Variants in PBX1 observed in about 807,000 individuals in gnomAD.
PBX1 encodes PBX homeobox 1.
Under a neutral mutation model 53.4 loss-of-function variants are expected in PBX1, and 6 were observed. The ratio of observed to expected loss-of-function variants is 0.11; its 90% confidence interval spans 0.06 to 0.22. The LOEUF is 0.22. PBX1 is among the 10% of genes least tolerant of loss of function. The pLI, the probability that PBX1 is intolerant of heterozygous loss-of-function variation, is 1.00. For synonymous variants in PBX1, 204 were observed against 212.3 expected (o/e 0.96, Z 0.34); for missense variants, 251 against 551.4 (o/e 0.46, Z 5.46).
chr1:164,747,510 T>C (rs553311730), intron 2 of PBX1, among the ~76,000 whole-genome samples: 1 of 152,154 alleles, frequency 6.6e-6, no homozygotes, highest in Non-Finnish European at 1.5e-5. Context: ...AGATAGACTT[T>C]AGGTTAGAAC....
intron 8 of PBX1, among the ~76,000 whole-genome samples, chr1:164,830,316 G>A (rs1054312051): frequency 1.3e-5 from 2 of 152,158 alleles, no homozygotes; most frequent in Non-Finnish European, 2.9e-5. Flanking sequence ...TTAAAATGAA[G>A]CCACCAAAGT....
chr1:164,789,485 A>T (rs183691394), intron 2 of PBX1, among the ~76,000 whole-genome samples: 120 of 152,192 alleles, frequency 7.9e-4, no homozygotes, highest in African/African-American at 2.8e-3. Context: ...CTTCTTTCAT[A>T]CCTCACTGAG....
intron 2 of PBX1, among the ~76,000 whole-genome samples, chr1:164,584,189 G>A (rs1317716541): frequency 6.6e-6 from 1 of 152,094 alleles, no homozygotes; most frequent in African/African-American, 2.4e-5. Flanking sequence ...TATTTTTAGA[G>A]TGAATATCTT....
At chr1:164,885,712 TCTC>T (rs375684361) in intron 2 of PBX1, among the ~76,000 whole-genome samples, 6 of 151,418 alleles carry the variant, frequency 4.0e-5, no homozygotes, top group African/African-American at 1.5e-4. Flanking sequence ...TATTGTTCAT[TCTC>T]CTGGGGACAG....
chr1:164,784,529 G>A (rs1429500029), intron 2 of PBX1, among the ~76,000 whole-genome samples: 3 of 152,226 alleles, frequency 2.0e-5, no homozygotes, highest in African/African-American at 7.2e-5. Context: ...AACTTGGTGT[G>A]TTTCTCTAAA....
intron 2 of PBX1, among the ~76,000 whole-genome samples, chr1:164,763,575 C>A (rs766866498): frequency 8.5e-5 from 13 of 152,172 alleles, no homozygotes; most frequent in Non-Finnish European, 1.5e-5. Context: ...TAGCTACAGC[C>A]TACAGATTTT....
downstream of PBX1, among the ~76,000 whole-genome samples, chr1:164,854,928 C>T (rs911517649): frequency 4.0e-5 from 6 of 151,136 alleles, no homozygotes; most frequent in Admixed American, 4.0e-4. Flanking sequence ...CAGAGTTATC[C>T]TCCTCTCTCT....
intron 2 of PBX1, among the ~76,000 whole-genome samples, chr1:164,870,219 T>TTCCTTCCC (rs1672321005): frequency 3.7e-5 from 1 of 26,796 alleles, no homozygotes; most frequent in Admixed American, 3.7e-4. Context: ...TTTTCTTTCT[T>TTCCTTCCC]TCCTTCCTTC....
intron 2 of PBX1, among the ~76,000 whole-genome samples, chr1:164,602,352 G>T (rs553866561): frequency 6.6e-6 from 1 of 152,154 alleles, no homozygotes; most frequent in Non-Finnish European, 1.5e-5. Context: ...TTGGTTATGC[G>T]ACATTCTCTT....
chr1:164,662,737 G>T (rs951037574), intron 2 of PBX1, among the ~76,000 whole-genome samples: 3 of 152,114 alleles, frequency 2.0e-5, no homozygotes, highest in Non-Finnish European at 2.9e-5. Context: ...ATTGCCTAGA[G>T]TTTGGTAGCT....
At chr1:164,839,285 G>A (rs1671183301) in intron 8 of PBX1, among the ~76,000 whole-genome samples, 1 of 152,196 alleles carries the variant, frequency 6.6e-6, no homozygotes, top group African/African-American at 2.4e-5. Context: ...CTCCTTGAGA[G>A]CAGAAACAAG....
chr1:164,740,398 T>A (rs1665542644), intron 2 of PBX1, among the ~76,000 whole-genome samples: 1 of 152,096 alleles, frequency 6.6e-6, no homozygotes, highest in South Asian at 2.1e-4. Context: ...CAGTTCTGTC[T>A]TCAGGGAACT....
chr1:164,674,705 G>A (rs1006714741), intron 2 of PBX1: 3 of 152,072 alleles, frequency 2.0e-5, no homozygotes, highest in African/African-American at 7.2e-5. Context: ...ATAGCTTCAG[G>A]GGAGCAAAAC....
At position 164,755,564 on chromosome 1, in the gene PBX1, AT is replaced by A. The variant is rs77384132; in HGVS notation, c.266-36920del. Among the ~76,000 whole-genome samples the A allele has an allele frequency of 3.6e-3, 547 of 149,870 alleles. 4 individuals are homozygous for A. Among genetic ancestry groups the A allele is most frequent in the African/African-American group, 0.013 (518 of 40,962 alleles). ...GAATGCCTCTAGGTTCATATGCAGC[AT>A]TTTTTTTTTAAAGAAATGAATTCAA... is the stretch of plus-strand genomic sequence containing the variant. On this transcript the variant is annotated intron_variant, in intron 2 of 8. Transcript: ENST00000420696.
At chr1:164,567,107 A>G (rs1653488606) in intron 2 of PBX1, among the ~76,000 whole-genome samples, 1 of 151,904 alleles carries the variant, frequency 6.6e-6, no homozygotes, top group South Asian at 2.1e-4. Context: ...TTAATATAGC[A>G]ATTACATTAT....
chr1:164,816,646 A>G (rs752810109), intron 6 of PBX1: 7 of 152,134 alleles, frequency 4.6e-5, no homozygotes, highest in Non-Finnish European at 7.3e-5. Context: ...TGTTATTGGC[A>G]TCTATTGGAT....
chr1:164,747,401 C>A (rs1176341848), intron 2 of PBX1, among the ~76,000 whole-genome samples: 1 of 151,670 alleles, frequency 6.6e-6, no homozygotes, highest in Non-Finnish European at 1.5e-5. Context: ...AAAAGGTAGA[C>A]TGAAGCTATT....
In PBX1 at chr1:164,848,099, A is replaced by G; in HGVS notation, c.*1423A>G. The G allele has an allele frequency of 1.9e-6, 2 of 1,052,430 alleles. No individual in the cohort carries two copies. Among genetic ancestry groups the G allele is most frequent in the South Asian group, 9.1e-5 (2 of 21,876 alleles). The allele number at this position is 1,052,430 out of a possible 1,614,324, so 65.2% of individuals were successfully genotyped here. A position where few individuals can be genotyped will look rare whatever the true frequency, so the allele number is the denominator to read the frequency against. ...AACGTGGCTCATGTGAACTTTTGCT[A>G]GCTTCATTTGAGGACCTGAGAATCA... On this transcript the variant is annotated 3_prime_UTR_variant, in exon 9 of 9. Transcript: ENST00000420696.
At chr1:164,654,279 A>G (rs766857093) in intron 2 of PBX1, among the ~76,000 whole-genome samples, 2 of 152,210 alleles carry the variant, frequency 1.3e-5, no homozygotes, top group African/African-American at 2.4e-5. Context: ...CCAAAAAGGT[A>G]GGATGTGCGT....
Sources: allele counts gnomAD v4.1 joint callset (sites outside exome capture counted in the v4.1 genomes callset), GRCh38; gene constraint gnomAD v4.1.1; transcripts MANE v1.5; gene names NCBI Gene and HGNC (gene_info 2026-07-23, HGNC 2026-07-21).